Variants in UVRAG observed in about 807,000 individuals in gnomAD.
UVRAG encodes UV radiation resistance associated.
Under a neutral mutation model 78.0 loss-of-function variants are expected in UVRAG, and 19 were observed. The observed-to-expected ratio is 0.24, with a 90% CI of 0.17 to 0.36. The LOEUF (loss-of-function observed/expected upper bound fraction) is 0.36, where lower values mean the gene tolerates loss of function less well. Among genes scored for constraint, UVRAG ranks in the 10% least tolerant of loss-of-function variants. The probability of loss-of-function intolerance (pLI) is 1.00; values close to 1 mark genes in which losing one functional copy is unlikely to be tolerated. For synonymous variants in UVRAG, 323 were observed against 324.6 expected, an observed-to-expected ratio of 1.00 and a Z score of 0.05; for missense variants, 740 against 853.8, an observed-to-expected ratio of 0.87 and a Z score of 1.66.
At chr11:76,041,698 T>C (rs1950651039) in intron 12 of UVRAG, among the ~76,000 whole-genome samples, 1 of 152,212 alleles carries the variant, frequency 6.6e-6, no homozygotes, top group Non-Finnish European at 1.5e-5. Flanking sequence ...CCTGGATCCA[T>C]ATAGGCAGTC....
At chr11:75,834,536 C>T (rs186452887) in intron 1 of UVRAG, among the ~76,000 whole-genome samples, 11 of 152,268 alleles carry the variant, frequency 7.2e-5, no homozygotes, top group African/African-American at 2.2e-4. Context: ...TGCATGGGGC[C>T]GGGCGCAGTG....
intron 13 of UVRAG, among the ~76,000 whole-genome samples, chr11:76,095,220 T>C (rs989941882): frequency 1.3e-5 from 2 of 152,124 alleles, no homozygotes; most frequent in Non-Finnish European, 2.9e-5. Context: ...GGTCTTCCTA[T>C]TCCCCAACTT....
intron 7 of UVRAG, among the ~76,000 whole-genome samples, chr11:75,976,036 G>A (rs1419846100): frequency 6.6e-6 from 1 of 152,134 alleles, no homozygotes; most frequent in African/African-American, 2.4e-5. Flanking sequence ...TTTGAGATAT[G>A]TCCCATCAAT....
At chr11:75,968,069 A>G (rs1322815181) in intron 7 of UVRAG, among the ~76,000 whole-genome samples, 1 of 152,166 alleles carries the variant, frequency 6.6e-6, no homozygotes, top group Non-Finnish European at 1.5e-5. Flanking sequence ...TCCAATGAGC[A>G]TTTTCCTTGA....
intron 13 of UVRAG, among the ~76,000 whole-genome samples, chr11:76,071,228 C>A (rs1334659763): frequency 1.3e-5 from 2 of 152,044 alleles, no homozygotes; most frequent in Non-Finnish European, 2.9e-5. Flanking sequence ...TGTCAAATAA[C>A]CCTTATTGAG....
rs535643182 is a variant in UVRAG at position 75,925,983 on chromosome 11, A to G, written c.593+13944A>G. Among the ~76,000 whole-genome samples the G allele has an allele frequency of 5.3e-5, 8 of 152,064 alleles. No individual in the cohort carries two copies. The South Asian group carries it at 1.7e-3, about 32-fold the overall frequency. On this transcript the variant is annotated intron_variant, in intron 6 of 14. Transcript: ENST00000356136. ...ATCTCATGTGGAGGAATTCCCCGTG[A>G]CATTCTTTTCTCTTGTTGAGACTTC...
At chr11:76,048,412 T>C (rs376357386) in intron 12 of UVRAG, among the ~76,000 whole-genome samples, 5 of 152,342 alleles carry the variant, frequency 3.3e-5, no homozygotes, top group African/African-American at 1.2e-4. Context: ...GACTTGTAAG[T>C]ACTTGTCAGA....
chr11:75,971,722 T>G (rs1457573677), intron 7 of UVRAG, among the ~76,000 whole-genome samples: 4 of 152,074 alleles, frequency 2.6e-5, no homozygotes, highest in African/African-American at 9.7e-5. Flanking sequence ...GTCTCGCTCT[T>G]TCACTCAGGC....
intron 6 of UVRAG, among the ~76,000 whole-genome samples, chr11:75,959,816 A>T (rs1948875602): frequency 6.6e-6 from 1 of 152,108 alleles, no homozygotes; most frequent in Non-Finnish European, 1.5e-5. Flanking sequence ...GAGACATAGG[A>T]CTATTCTTTT....
rs1182694719 is a variant in UVRAG at position 76,134,277 on chromosome 11, T to TTTG, written c.1398-6433_1398-6432insTGT. 4.0e-5 allele frequency among the ~76,000 whole-genome samples: 6 copies of TTTG among 149,342 alleles called. No homozygotes were observed. The East Asian group carries it at 1.2e-3, about 29-fold the overall frequency. ...CACCTGGCCTTTTTTTTTTTTTTTTTTGGTGGGCGGGGGAGTCTTACTTTC... is the reference window on the plus strand; with the variant it reads ...CACCTGGCCTTTTTTTTTTTTTTTTTTTGTGGTGGGCGGGGGAGTCTTACTTTC... On this transcript the variant is annotated intron_variant, in intron 14 of 14. Coordinates refer to ENST00000356136, the MANE Select transcript of UVRAG (RefSeq NM_003369.4).
At chr11:76,078,437 G>A (rs952524051) in intron 13 of UVRAG, among the ~76,000 whole-genome samples, 3 of 151,910 alleles carry the variant, frequency 2.0e-5, no homozygotes. Context: ...AGATATTTCT[G>A]TAAATTATTG....
chr11:75,982,885 C>A (rs1357816442), intron 7 of UVRAG, among the ~76,000 whole-genome samples: 1 of 151,942 alleles, frequency 6.6e-6, no homozygotes, highest in Non-Finnish European at 1.5e-5. Context: ...ATGGATAGGC[C>A]ACATTTTATT....
intron 12 of UVRAG, among the ~76,000 whole-genome samples, chr11:76,062,432 G>A (rs1445354519): frequency 6.6e-6 from 1 of 152,072 alleles, no homozygotes; most frequent in Non-Finnish European, 1.5e-5. Context: ...GAATAACTCT[G>A]TAGTGAAATC....
At chr11:76,055,338 G>A (rs529655680) in intron 12 of UVRAG, among the ~76,000 whole-genome samples, 4 of 152,262 alleles carry the variant, frequency 2.6e-5, no homozygotes, top group Non-Finnish European at 5.9e-5. Context: ...ATGAGCCACC[G>A]CACCAGCCTG....
chr11:75,936,125 A>G (rs1053621861), intron 6 of UVRAG, among the ~76,000 whole-genome samples: 2 of 152,174 alleles, frequency 1.3e-5, no homozygotes, highest in African/African-American at 2.4e-5. Context: ...TGCGGAAGCA[A>G]TATTGTATTG....
In UVRAG at chr11:76,115,952, C is replaced by T. The variant is rs1386810047; in HGVS notation, c.1334C>T (p.Pro445Leu). The stretch of plus-strand genomic sequence containing the variant: ...AGATATCAACATGGACTAGGGACTC[C>T]AGACTTGCGGCAAACCCTTCCCAAC... Reference protein sequence around the residue: ...QLRYQHGLGTPDLRQTLPNLK... With the variant: ...QLRYQHGLGTLDLRQTLPNLK... Residue 445 changes from proline (P) to leucine (L), a missense_variant, in exon 14 of 15, where the codon CCA becomes CTA. Physicochemically the swap from Pro to Leu is moderately conservative, Grantham distance 98 (BLOSUM62 -3). Transcript: ENST00000356136. 1 of 1,613,748 alleles carries T rather than the reference C, an allele frequency of 6.2e-7. No homozygotes were observed. The highest frequency in any genetic ancestry group is 1.3e-5 in the African/African-American group (1 of 74,854).
chr11:75,877,290 T>C (rs1223443473), intron 3 of UVRAG, among the ~76,000 whole-genome samples: 1 of 152,210 alleles, frequency 6.6e-6, no homozygotes, highest in Non-Finnish European at 1.5e-5. Flanking sequence ...TCTCAATCTT[T>C]TCCCCACCTT....
intron 12 of UVRAG, among the ~76,000 whole-genome samples, chr11:76,019,689 C>G (rs920589142): frequency 1.7e-4 from 26 of 152,328 alleles, no homozygotes; most frequent in Middle Eastern, 3.4e-3. Context: ...TTCTCAGTCT[C>G]TCTCTCTATG....
At chr11:75,931,946 T>C (rs979827865) in intron 6 of UVRAG, among the ~76,000 whole-genome samples, 1 of 152,180 alleles carries the variant, frequency 6.6e-6, no homozygotes, top group African/African-American at 2.4e-5. Context: ...CATAATATTA[T>C]TATAGGCAGA....
Sources: allele counts gnomAD v4.1 joint callset (sites outside exome capture counted in the v4.1 genomes callset), GRCh38; gene constraint gnomAD v4.1.1; transcripts MANE v1.5; gene names NCBI Gene and HGNC (gene_info 2026-07-23, HGNC 2026-07-21).